The following NCKAP5 variants were observed in gnomAD, a reference collection of about 807,000 sequenced individuals.
NCKAP5 encodes NCK associated protein 5, also known as nck-associated protein 5.
Under a neutral mutation model 167.0 loss-of-function variants are expected in NCKAP5, and 92 were observed. The ratio of observed to expected loss-of-function variants is 0.55; its 90% CI spans 0.47 to 0.66. The LOEUF is 0.66. Ranked by LOEUF, NCKAP5 falls within the 30% of genes least tolerant of loss-of-function variation. The pLI, the probability that NCKAP5 is intolerant of heterozygous loss-of-function variation, is 0.00. For synonymous variants in NCKAP5, 891 were observed against 877.4 expected, an observed-to-expected ratio of 1.02 and a Z score of -0.27; for missense variants, 2,378 against 2,315.0, an observed-to-expected ratio of 1.03 and a Z score of -0.56.
At chr2:133,365,367 C>T (rs948677008) in intron 3 of NCKAP5, among the ~76,000 whole-genome samples, 1 of 152,122 alleles carries the variant, frequency 6.6e-6, no homozygotes, top group African/African-American at 2.4e-5. Context: ...CTCTGAGCCC[C>T]ATATGACAAA....
chr2:133,009,948 G>A (rs1471503762), intron 6 of NCKAP5, among the ~76,000 whole-genome samples: 1 of 152,060 alleles, frequency 6.6e-6, no homozygotes, highest in Non-Finnish European at 1.5e-5. Flanking sequence ...GCGGGTGCCT[G>A]TAGTCCCAGC....
At chr2:133,362,952 G>C (rs1368613521) in intron 3 of NCKAP5, among the ~76,000 whole-genome samples, 1 of 150,982 alleles carries the variant, frequency 6.6e-6, no homozygotes. Context: ...TTTTTCGGTA[G>C]AGATGGGGTT....
At chr2:133,150,732 G>C (rs2083358288) in intron 5 of NCKAP5, among the ~76,000 whole-genome samples, 1 of 152,136 alleles carries the variant, frequency 6.6e-6, no homozygotes, top group South Asian at 2.1e-4. Flanking sequence ...CTGTAACACA[G>C]CAGTTCCAGT....
At chr2:133,193,930 A>G (rs2085332723) in intron 5 of NCKAP5, among the ~76,000 whole-genome samples, 1 of 152,166 alleles carries the variant, frequency 6.6e-6, no homozygotes. Flanking sequence ...ATAATTTTCT[A>G]CAAACAAATT....
chr2:133,542,564 T>C lies in NCKAP5; in HGVS notation c.-62+16486A>G, dbSNP rs551017901. 5.3e-5 allele frequency among the ~76,000 whole-genome samples: 8 copies of C among 152,316 alleles called. 1 individual carries two copies. In the East Asian group the frequency reaches 1.2e-3, roughly 22 times the overall value. Reference sequence around the variant, plus strand: ...CAAACCTCAGAACATGCCGCCATATTTCACAGTGCCAGTGAAATCGCAGTT... The same window carrying C: ...CAAACCTCAGAACATGCCGCCATATCTCACAGTGCCAGTGAAATCGCAGTT... On this transcript the variant is annotated intron_variant, in intron 2 of 19. Transcript: ENST00000409261.
intron 3 of NCKAP5, among the ~76,000 whole-genome samples, chr2:133,435,106 A>T (rs1218104763): frequency 6.6e-6 from 1 of 152,218 alleles, no homozygotes; most frequent in Non-Finnish European, 1.5e-5. Flanking sequence ...GGGATAGGTC[A>T]AGATTAAGTG....
intron 6 of NCKAP5, among the ~76,000 whole-genome samples, chr2:133,113,194 C>G (rs2081970207): frequency 6.6e-6 from 1 of 150,870 alleles, no homozygotes; most frequent in African/African-American, 2.5e-5. Context: ...ATAGTTTACA[C>G]AATTGGAGTT....
chr2:132,951,237 G>C (rs909007563), intron 8 of NCKAP5, among the ~76,000 whole-genome samples: 1 of 152,192 alleles, frequency 6.6e-6, no homozygotes, highest in East Asian at 1.9e-4. Context: ...TACTGACTCT[G>C]AAAGGGAGGC....
At chr2:132,731,383 C>T (rs1382587102) in intron 17 of NCKAP5, among the ~76,000 whole-genome samples, 1 of 152,200 alleles carries the variant, frequency 6.6e-6, no homozygotes, top group Non-Finnish European at 1.5e-5. Context: ...AGGCAAACAA[C>T]ATTGTAGTTA....
chr2:132,890,550 A>G lies in NCKAP5; in HGVS notation c.580-11634T>C, dbSNP rs1692613130. Among the ~76,000 whole-genome samples the G allele has an allele frequency of 2.6e-5, 4 of 152,186 alleles. No individual in the cohort carries two copies. In the South Asian group the frequency reaches 8.3e-4, roughly 32 times the overall value. Reference sequence around the variant, plus strand: ...AAAGCTGTTTAAAAACATCCTGAGGAAAAAGTCCCAGGGGAGTGGCTAAGC... The same window carrying G: ...AAAGCTGTTTAAAAACATCCTGAGGGAAAAGTCCCAGGGGAGTGGCTAAGC... On this transcript the variant is annotated intron_variant, in intron 8 of 19. Coordinates refer to ENST00000409261, the MANE Select transcript of NCKAP5 (RefSeq NM_207363.3).
At chr2:133,242,000 C>T (rs184680646) in intron 4 of NCKAP5, among the ~76,000 whole-genome samples, 1 of 151,568 alleles carries the variant, frequency 6.6e-6, no homozygotes, top group Non-Finnish European at 1.5e-5. Flanking sequence ...TGCCTGTAAT[C>T]CCAGCTACTC....
chr2:133,060,593 G>T (rs2079965077), intron 6 of NCKAP5, among the ~76,000 whole-genome samples: 1 of 152,016 alleles, frequency 6.6e-6, no homozygotes, highest in African/African-American at 2.4e-5. Context: ...TCTAATCCTT[G>T]CCCCCTTTTT....
intron 3 of NCKAP5, among the ~76,000 whole-genome samples, chr2:133,504,237 C>T (rs1028080091): frequency 2.7e-5 from 4 of 149,924 alleles, no homozygotes; most frequent in Non-Finnish European, 5.9e-5. Context: ...AAAAGGCAAT[C>T]CCTGGTGTAT....
At chr2:133,344,491 C>T (rs759788943) in intron 3 of NCKAP5, among the ~76,000 whole-genome samples, 7 of 151,712 alleles carry the variant, frequency 4.6e-5, no homozygotes, top group Admixed American at 2.0e-4. Context: ...AAGGCAGCAC[C>T]GAGCACAGAG....
At chr2:132,677,804 T>C (rs1684692031) in intron 19 of NCKAP5, among the ~76,000 whole-genome samples, 1 of 152,100 alleles carries the variant, frequency 6.6e-6, no homozygotes, top group Non-Finnish European at 1.5e-5. Flanking sequence ...GTACATGGGT[T>C]ATAAAAAGTT....
chr2:132,704,008 G>A (rs1688118896), intron 19 of NCKAP5, among the ~76,000 whole-genome samples: 1 of 152,080 alleles, frequency 6.6e-6, no homozygotes, highest in South Asian at 2.1e-4. Context: ...GACCCCTGTT[G>A]AAGCCATCTC....
intron 5 of NCKAP5, among the ~76,000 whole-genome samples, chr2:133,201,546 A>C (rs1432766402): frequency 2.0e-5 from 3 of 152,192 alleles, no homozygotes; most frequent in African/African-American, 7.2e-5. Context: ...ATGATTGTTT[A>C]TGCAGTGGTG....
intron 8 of NCKAP5, among the ~76,000 whole-genome samples, chr2:132,920,771 G>GTGTGTATATATATATATATA (rs1219401757): frequency 3.2e-5 from 1 of 31,580 alleles, no homozygotes; most frequent in Non-Finnish European, 6.5e-5. Flanking sequence ...ATATATGTAT[G>GTGTGTATATATATATATATA]TATATATATA....
chr2:133,307,206 C>G (rs941536405), intron 3 of NCKAP5, among the ~76,000 whole-genome samples: 1 of 152,108 alleles, frequency 6.6e-6, no homozygotes, highest in Admixed American at 6.6e-5. Flanking sequence ...AACTTACATA[C>G]AGTCCTGAGG....
Sources: allele counts gnomAD v4.1 joint callset (sites outside exome capture counted in the v4.1 genomes callset), GRCh38; gene constraint gnomAD v4.1.1; transcripts MANE v1.5; gene names NCBI Gene and HGNC (gene_info 2026-07-23, HGNC 2026-07-21).